The following EPB41L3 variants were observed in gnomAD, a reference collection of about 807,000 sequenced individuals.
EPB41L3 encodes the protein band 4.1-like protein 3.
A neutral mutation model predicts 127.1 loss-of-function variants in EPB41L3; 57 were observed. That is an observed-to-expected ratio of 0.45 (90% CI 0.36 to 0.56). The LOEUF is 0.56. Among genes scored for constraint, EPB41L3 ranks in the 20% least tolerant of loss-of-function variants. The probability of loss-of-function intolerance (pLI) is 0.00; values close to 1 mark genes in which losing one functional copy is unlikely to be tolerated. For synonymous variants in EPB41L3, 572 were observed against 549.5 expected, an observed-to-expected ratio of 1.04 and a Z score of -0.57; for missense variants, 1,273 against 1,372.2, an observed-to-expected ratio of 0.93 and a Z score of 1.14.
chr18:5,573,547 T>C (rs2094305601), intron 3 of EPB41L3, among the ~76,000 whole-genome samples: 1 of 152,196 alleles, frequency 6.6e-6, no homozygotes, highest in South Asian at 2.1e-4. Flanking sequence ...TACTCATATA[T>C]GTAGATCATC....
chr18:5,587,547 G>A (rs2094451580), intron 3 of EPB41L3, among the ~76,000 whole-genome samples: 2 of 152,112 alleles, frequency 1.3e-5, no homozygotes. Flanking sequence ...GGGGGTCTTG[G>A]AATGCATCCC....
At chr18:5,595,632 C>T (rs1308379200) in intron 3 of EPB41L3, among the ~76,000 whole-genome samples, 2 of 152,178 alleles carry the variant, frequency 1.3e-5, no homozygotes, top group Non-Finnish European at 2.9e-5. Context: ...GAGTAGGATG[C>T]ATCCCACCCC....
At chr18:5,403,590 C>CAAAAAAA (rs199992647) in intron 16 of EPB41L3, among the ~76,000 whole-genome samples, 2 of 102,640 alleles carry the variant, frequency 1.9e-5, no homozygotes, top group African/African-American at 6.2e-5. Flanking sequence ...TCACTGAGAC[C>CAAAAAAA]AAAAAAAAAA....
intron 3 of EPB41L3, among the ~76,000 whole-genome samples, chr18:5,574,323 C>A (rs1409367415): frequency 6.6e-6 from 1 of 151,170 alleles, no homozygotes; most frequent in Non-Finnish European, 1.5e-5. Flanking sequence ...CCTCCAACCT[C>A]AGCCTCTAGA....
chr18:5,404,882 A>C (rs192180616), intron 16 of EPB41L3, among the ~76,000 whole-genome samples: 1 of 152,236 alleles, frequency 6.6e-6, no homozygotes, highest in Non-Finnish European at 1.5e-5. Flanking sequence ...GCCAAACTTA[A>C]CCAATTACAA....
intron 1 of EPB41L3, among the ~76,000 whole-genome samples, chr18:5,542,423 A>T (rs1159483057): frequency 6.6e-6 from 1 of 152,222 alleles, no homozygotes; most frequent in Admixed American, 6.5e-5. Context: ...GACAAACTCC[A>T]GCACACCTGG....
intron 3 of EPB41L3, among the ~76,000 whole-genome samples, chr18:5,564,185 GAAAGATTT>G (rs923478425): frequency 2.6e-5 from 4 of 152,084 alleles, no homozygotes; most frequent in African/African-American, 9.7e-5. Flanking sequence ...ATCAAGGAGT[GAAAGATTT>G]AAAGAAATGG....
intron 3 of EPB41L3, chr18:5,570,736 A>C (rs2094268277): frequency 6.6e-6 from 1 of 152,160 alleles, no homozygotes; most frequent in Non-Finnish European, 1.5e-5. Context: ...ATATCTCCTA[A>C]TGCTATCCCT....
intron 3 of EPB41L3, among the ~76,000 whole-genome samples, chr18:5,597,414 A>ATG (rs1412671010): frequency 2.6e-5 from 4 of 152,126 alleles, no homozygotes; most frequent in Non-Finnish European, 2.9e-5. Context: ...TTACATTACA[A>ATG]TGTATTCATC....
intron 16 of EPB41L3, chr18:5,400,825 C>A: frequency 1.7e-6 from 1 of 601,102 alleles, no homozygotes; most frequent in Middle Eastern, 3.2e-4. Flanking sequence ...TTTCCCTTCC[C>A]CAGAATCTAA....
At chr18:5,630,335 T>G (rs773489353), upstream of EPB41L3, 2 of 515,958 alleles carry the variant, frequency 3.9e-6, no homozygotes, top group South Asian at 1.4e-5. Context: ...TAGGCGGCGC[T>G]CCCGGCCTAC....
chr18:5,483,358 T>C (rs1343103243), intron 2 of EPB41L3, among the ~76,000 whole-genome samples: 1 of 151,914 alleles, frequency 6.6e-6, no homozygotes, highest in African/African-American at 2.4e-5. Flanking sequence ...CCACTAAAAA[T>C]AAAAAGCAAC....
intron 1 of EPB41L3, among the ~76,000 whole-genome samples, chr18:5,620,053 AT>A (rs920726369): frequency 6.6e-5 from 10 of 152,100 alleles, no homozygotes; most frequent in African/African-American, 2.2e-4. Flanking sequence ...TGATATTTCC[AT>A]TTTTTCATGT....
intron 3 of EPB41L3, among the ~76,000 whole-genome samples, chr18:5,604,631 T>C (rs1392621172): frequency 1.3e-5 from 2 of 152,126 alleles, no homozygotes; most frequent in African/African-American, 4.8e-5. Flanking sequence ...TTTTTGTATT[T>C]TTAGTAGAGA....
intron 16 of EPB41L3, among the ~76,000 whole-genome samples, chr18:5,406,209 C>G (rs1445666820): frequency 1.3e-5 from 2 of 152,092 alleles, no homozygotes; most frequent in Non-Finnish European, 2.9e-5. Context: ...CAAGATCACC[C>G]CACTGCACTC....
chr18:5,574,313 C>A (rs572783251), intron 3 of EPB41L3, among the ~76,000 whole-genome samples: 2 of 151,250 alleles, frequency 1.3e-5, no homozygotes, highest in African/African-American at 4.8e-5. Context: ...CTCAAATGAT[C>A]CTCCAACCTC....
In EPB41L3 at chr18:5,410,590, G is replaced by A. The variant is rs140128908; in HGVS notation, c.2097C>T (p.Ala699=). 60 of 1,613,570 alleles carry A rather than the reference G, an allele frequency of 3.7e-5. No individual in the cohort carries two copies. In the African/African-American group the frequency reaches 4.5e-4, roughly 12 times the overall value. The part of the protein sequence containing the change: ...ETDSERTDTA[A]DGETTATESD... Reference sequence around the variant, plus strand: ...CCTCAGTGGCAGTGGTCTCCCCGTCGGCTGCGGTGTCCGTGCGCTCACTGT... The same window carrying A: ...CCTCAGTGGCAGTGGTCTCCCCGTCAGCTGCGGTGTCCGTGCGCTCACTGT... Residue 699 remains alanine (A), a synonymous_variant, in exon 14 of 23, where the codon GCC becomes GCT. Transcript: ENST00000341928.
At chr18:5,435,520 T>C (rs1472791302) in intron 6 of EPB41L3, among the ~76,000 whole-genome samples, 2 of 152,248 alleles carry the variant, frequency 1.3e-5, no homozygotes, top group Non-Finnish European at 2.9e-5. Context: ...GTATTCAGTA[T>C]AGTCACATGC....
chr18:5,600,549 AT>A (rs1471501952), intron 3 of EPB41L3, among the ~76,000 whole-genome samples: 2 of 152,154 alleles, frequency 1.3e-5, no homozygotes, highest in African/African-American at 4.8e-5. Context: ...CATCCATATT[AT>A]TTTTTAACCT....
Sources: allele counts gnomAD v4.1 joint callset (sites outside exome capture counted in the v4.1 genomes callset), GRCh38; gene constraint gnomAD v4.1.1; transcripts MANE v1.5; gene names NCBI Gene and HGNC (gene_info 2026-07-23, HGNC 2026-07-21).